The following SPIRE1 variants were observed in gnomAD, a reference collection of about 807,000 sequenced individuals.
SPIRE1 encodes protein spire homolog 1.
Under a neutral mutation model 94.1 loss-of-function variants are expected in SPIRE1, and 40 were observed. The ratio of observed to expected loss-of-function variants is 0.43; its 90% CI spans 0.33 to 0.55. SPIRE1 has a LOEUF of 0.55. Among genes scored for constraint, SPIRE1 ranks in the 20% least tolerant of loss-of-function variants. The probability of loss-of-function intolerance (pLI) is 0.06; values close to 1 mark genes in which losing one functional copy is unlikely to be tolerated. For synonymous variants in SPIRE1, 376 were observed against 371.7 expected, an observed-to-expected ratio of 1.01 and a Z score of -0.13; for missense variants, 838 against 975.2, an observed-to-expected ratio of 0.86 and a Z score of 1.87.
At chr18:12,629,985 T>A (rs1049107080) in intron 2 of SPIRE1, among the ~76,000 whole-genome samples, 3 of 152,170 alleles carry the variant, frequency 2.0e-5, no homozygotes. Flanking sequence ...AGGTAAAAGA[T>A]CACATAAAAG....
At chr18:12,592,453 C>T (rs956424136) in intron 2 of SPIRE1, among the ~76,000 whole-genome samples, 1 of 152,082 alleles carries the variant, frequency 6.6e-6, no homozygotes, top group Non-Finnish European at 1.5e-5. Flanking sequence ...TGTGAGTTTA[C>T]AGATCATCTA....
In SPIRE1 at chr18:12,449,333, C is replaced by A; in HGVS notation, c.*305G>T. On this transcript the variant is annotated 3_prime_UTR_variant, in exon 17 of 17. Transcript: ENST00000409402. ...TTTTTGCCTTAGTCAGGAGATTATTCGAGGAACAGTAAAGAACTGAACTAA... is the reference window on the plus strand; with the variant it reads ...TTTTTGCCTTAGTCAGGAGATTATTAGAGGAACAGTAAAGAACTGAACTAA... 8 of 288,742 alleles carry A rather than the reference C, an allele frequency of 2.8e-5. No individual in the cohort carries two copies. Among genetic ancestry groups the A allele is most frequent in the Non-Finnish European group, 3.9e-5 (6 of 153,278 alleles). The allele number at this position is 288,742 out of a possible 1,614,324, so 17.9% of individuals were successfully genotyped here. A position where few individuals can be genotyped will look rare whatever the true frequency, so the allele number is the denominator to read the frequency against.
At chr18:12,537,071 A>G (rs1360466690) in intron 3 of SPIRE1, among the ~76,000 whole-genome samples, 3 of 152,224 alleles carry the variant, frequency 2.0e-5, no homozygotes, top group African/African-American at 7.2e-5. Flanking sequence ...GCTTTTACAA[A>G]ATACATTCTC....
intron 10 of SPIRE1, among the ~76,000 whole-genome samples, chr18:12,473,047 G>C (rs1213159452): frequency 6.6e-6 from 1 of 152,068 alleles, no homozygotes; most frequent in Admixed American, 6.6e-5. Flanking sequence ...CACTCACCTT[G>C]GCCTCCCAAA....
In SPIRE1 at chr18:12,528,271, G is replaced by A. The variant is rs181673655; in HGVS notation, c.729+7205C>T. On this transcript the variant is annotated intron_variant, in intron 4 of 16. Coordinates refer to ENST00000409402, the MANE Select transcript of SPIRE1 (RefSeq NM_001128626.2). ...CAAACATGGTCCTTGCCCTTAAGAA[G>A]TTCACAGTCTAGTGGGAGATAAACG... is the stretch of plus-strand genomic sequence containing the variant. Among the ~76,000 whole-genome samples the A allele has an allele frequency of 3.0e-4, 46 of 152,254 alleles. 1 individual carries two copies. Among genetic ancestry groups the A allele is most frequent in the African/African-American group, 1.1e-3 (45 of 41,550 alleles).
intron 2 of SPIRE1, among the ~76,000 whole-genome samples, chr18:12,625,636 A>G (rs554336703): frequency 6.6e-6 from 1 of 152,254 alleles, no homozygotes; most frequent in Non-Finnish European, 1.5e-5. Flanking sequence ...TTATGCAGCT[A>G]AAGTTGTGCA....
At chr18:12,495,289 T>G (rs2033416745) in intron 7 of SPIRE1, among the ~76,000 whole-genome samples, 1 of 152,212 alleles carries the variant, frequency 6.6e-6, no homozygotes, top group Non-Finnish European at 1.5e-5. Context: ...TAGAATATTC[T>G]GAGTCTATGG....
At chr18:12,548,779 AT>A (rs923879584) in intron 2 of SPIRE1, among the ~76,000 whole-genome samples, 2 of 151,412 alleles carry the variant, frequency 1.3e-5, no homozygotes, top group African/African-American at 2.4e-5. Context: ...GGCCTGGCTA[AT>A]TTTTTTTGGA....
At chr18:12,611,693 T>C (rs2037145902) in intron 2 of SPIRE1, among the ~76,000 whole-genome samples, 1 of 152,228 alleles carries the variant, frequency 6.6e-6, no homozygotes, top group Admixed American at 6.5e-5. Flanking sequence ...AGACAGGGTC[T>C]TGCTCTGTTG....
chr18:12,660,310 A>G (rs1288628165), upstream of SPIRE1, among the ~76,000 whole-genome samples: 1 of 145,378 alleles, frequency 6.9e-6, no homozygotes, highest in African/African-American at 2.6e-5. Flanking sequence ...TAATCAATGG[A>G]AAAAGATGCA....
At chr18:12,628,627 A>C (rs1270260921) in intron 2 of SPIRE1, among the ~76,000 whole-genome samples, 1 of 152,134 alleles carries the variant, frequency 6.6e-6, no homozygotes, top group Non-Finnish European at 1.5e-5. Flanking sequence ...TGAATCTATA[A>C]ATTATCTTGG....
chr18:12,528,518 A>T (rs886298890), intron 4 of SPIRE1, among the ~76,000 whole-genome samples: 2 of 152,234 alleles, frequency 1.3e-5, no homozygotes, highest in Non-Finnish European at 1.5e-5. Context: ...GGCCCTGGAC[A>T]TTCAGGAATG....
intron 1 of SPIRE1, among the ~76,000 whole-genome samples, chr18:12,654,526 A>T (rs2038479312): frequency 6.6e-6 from 1 of 151,470 alleles, no homozygotes; most frequent in African/African-American, 2.4e-5. Context: ...AGGCATCTTT[A>T]GTCCCAGCTA....
At chr18:12,504,272 T>C (rs1302123300) in intron 6 of SPIRE1, among the ~76,000 whole-genome samples, 1 of 147,006 alleles carries the variant, frequency 6.8e-6, no homozygotes, top group Non-Finnish European at 1.5e-5. Flanking sequence ...TTTGGGAGGC[T>C]GAGGTGGGCA....
Position 12,475,833 on chromosome 18 carries a change from G to A in SPIRE1, c.1404+3866C>T, listed in dbSNP as rs73949239. 6.6e-3 allele frequency among the ~76,000 whole-genome samples: 1,000 copies of A among 152,278 alleles called. 10 individuals are homozygous for A. Among genetic ancestry groups the A allele is most frequent in the African/African-American group, 0.022 (917 of 41,568 alleles). The stretch of plus-strand genomic sequence containing the variant: ...GCTCCTCTCATCAAAGGGAGAATAC[G>A]CTGATGGCCAGCAAGATCAAGTGTC... On this transcript the variant is annotated intron_variant, in intron 10 of 16. Transcript: ENST00000409402.
chr18:12,576,119 C>A (rs140816712), intron 2 of SPIRE1, among the ~76,000 whole-genome samples: 411 of 152,166 alleles, frequency 2.7e-3, no homozygotes, highest in African/African-American at 9.5e-3. Context: ...AAGAGAATCG[C>A]TTGAACCCAG....
chr18:12,624,831 CA>C lies in SPIRE1; in HGVS notation c.372+10230del, dbSNP rs71371282. On this transcript the variant is annotated intron_variant, in intron 2 of 16. Transcript: ENST00000409402. ...TGGGCGACAGAGTGAGACTCCATCT[CA>C]AAAAAAAAAAAAAGTAATTATAAAA... Among the ~76,000 whole-genome samples the C allele has an allele frequency of 4.3e-3, 567 of 132,870 alleles. 13 individuals are homozygous for C. In the East Asian group the frequency reaches 0.06, roughly 14 times the overall value. 87.2% of individuals were successfully genotyped at this position (132,870 alleles called of 152,430 possible). A position where few individuals can be genotyped will look rare whatever the true frequency, so the allele number is the denominator to read the frequency against.
intron 2 of SPIRE1, among the ~76,000 whole-genome samples, chr18:12,560,370 T>C (rs2035646757): frequency 6.6e-6 from 1 of 152,166 alleles, no homozygotes. Flanking sequence ...AAAGAAAATG[T>C]GGTACATATA....
At chr18:12,462,802 T>C (rs1273159005) in intron 12 of SPIRE1, among the ~76,000 whole-genome samples, 1 of 152,062 alleles carries the variant, frequency 6.6e-6, no homozygotes, top group Non-Finnish European at 1.5e-5. Context: ...AAAGAAAGCA[T>C]TTCTTTAATA....
Sources: allele counts gnomAD v4.1 joint callset (sites outside exome capture counted in the v4.1 genomes callset), GRCh38; gene constraint gnomAD v4.1.1; transcripts MANE v1.5; gene names NCBI Gene and HGNC (gene_info 2026-07-23, HGNC 2026-07-21).